The following ADGRB2 variants were observed in gnomAD, a reference collection of about 807,000 sequenced individuals.
ADGRB2 encodes brain-specific angiogenesis inhibitor 2.
ADGRB2 carries 47 observed loss-of-function variants against 178.7 expected under a neutral mutation model. That is an observed-to-expected ratio of 0.26 (90% CI 0.21 to 0.34). The LOEUF (loss-of-function observed/expected upper bound fraction) is 0.34, where lower values mean the gene tolerates loss of function less well. Ranked by LOEUF, ADGRB2 falls within the 10% of genes least tolerant of loss-of-function variation. ADGRB2 has a pLI of 1.00. For missense variants in ADGRB2, 1,584 were observed against 2,180.8 expected (o/e 0.73, Z 5.45); for synonymous variants, 870 against 912.4 (o/e 0.95, Z 0.84).
chr1:31,757,276 G>C lies in ADGRB2; in HGVS notation c.-55C>G. On this transcript the variant is annotated 5_prime_UTR_variant, in exon 3 of 33. Coordinates refer to ENST00000373658, the MANE Select transcript of ADGRB2 (RefSeq NM_001364857.2). Reference sequence around the variant, plus strand: ...GATCAGCTGTGAGGCATGTCACCGCGTAATCCTGTGGTAATTGTCAAAGTG... The same window carrying C: ...GATCAGCTGTGAGGCATGTCACCGCCTAATCCTGTGGTAATTGTCAAAGTG... The C allele has an allele frequency of 6.2e-7, 1 of 1,602,498 alleles. No homozygotes were observed. The highest frequency in any genetic ancestry group is 1.1e-5 in the South Asian group (1 of 90,688).
rs760922888 is a variant in ADGRB2, at chr1:31,730,980, G to A, written c.4200C>T (p.Ser1400=). 8 of 1,565,624 alleles carry A rather than the reference G, an allele frequency of 5.1e-6. No individual in the cohort carries two copies. Among genetic ancestry groups the A allele is most frequent in the Middle Eastern group, 1.7e-4 (1 of 5,858 alleles). The change falls in exon 29 of 33, where the codon TCC becomes TCT. Residue 1400 remains serine, a synonymous_variant. Transcript: ENST00000373658. ...AHTEGYPSFL[S]VDHSGLGLGP... ...CCAGCCCCAGGCCCGAGTGGTCCAC[G>A]GACAGGAAGCTGGGGTAGCCTTCAG...
At position 31,740,943 on chromosome 1, in the gene ADGRB2, ACT is replaced by A. The variant is rs1017680249; in HGVS notation, c.1795-404_1795-403del. 2.9e-5 allele frequency among the ~76,000 whole-genome samples: 4 copies of A among 138,858 alleles called. No individual in the cohort carries two copies. The highest frequency in any genetic ancestry group is 7.9e-5 in the African/African-American group (3 of 37,956). The allele number at this position is 138,858 out of a possible 152,430, so 91.1% of individuals were successfully genotyped here. The stretch of plus-strand genomic sequence containing the variant: ...CACACACACTGTCTTTCTCTCTCTC[ACT>A]CTCTCTCAACACAAGCTCTAAATGC... On this transcript the variant is annotated intron_variant, in intron 11 of 32. Transcript: ENST00000373658. The surrounding 1 kb of genome is among the most constrained non-coding windows in gnomAD (Gnocchi z 5.9).
rs1309438429 is a variant in ADGRB2, at chr1:31,727,553, T to G, written c.4625A>C (p.Gln1542Pro). The change falls in exon 33 of 33, where the codon CAG (glutamine) becomes CCG (proline). Residue 1542 changes from glutamine to proline, a missense_variant. This residue lies in a region of ADGRB2 where 865 missense variants were observed against 1,192.8 expected (regional missense o/e 0.73). Coordinates refer to ENST00000373658, the MANE Select transcript of ADGRB2 (RefSeq NM_001364857.2). This position sits in a 1 kb window ranked among gnomAD's most constrained non-coding sequence, Gnocchi z 4.4. The stretch of plus-strand genomic sequence containing the variant: ...CATAGATTTGAAGGTGCTCCAGCTC[T>G]GATGGCGCCGATGTTGGGACAAGCT... The part of the protein sequence containing the change: ...RPSLSQHRRH[Q>P]SWSTFKSMTL... The G allele has an allele frequency of 6.3e-7, 1 of 1,582,692 alleles. No homozygotes were observed. Among genetic ancestry groups the G allele is most frequent in the South Asian group, 1.2e-5 (1 of 86,146 alleles).
rs1274773376 is a variant in ADGRB2 at position 31,738,600 on chromosome 1, C to A, written c.2632G>T (p.Asp878Tyr). Residue 878 changes from aspartate (D) to tyrosine (Y), a missense_variant, in exon 17 of 33, where the codon GAC becomes TAC. This residue lies in a region of ADGRB2 where 865 missense variants were observed against 1,192.8 expected (regional missense o/e 0.73). Transcript: ENST00000373658. ...GTTDPHCASW[D>Y]YSRADASSGD... ...CACCCAACTCACGCTCTGGAGTAGT[C>A]CCAGCTGGCGCAATGGGGATCCGTG... The A allele has an allele frequency of 3.1e-6, 5 of 1,610,964 alleles. No individual in the cohort carries two copies. Among genetic ancestry groups the A allele is most frequent in the Non-Finnish European group, 4.2e-6 (5 of 1,178,530 alleles).
chr1:31,749,186 G>A (rs1290899668), intron 4 of ADGRB2, among the ~76,000 whole-genome samples: 1 of 152,124 alleles, frequency 6.6e-6, no homozygotes, highest in Non-Finnish European at 1.5e-5. Context: ...CCCCTGACAT[G>A]AGCCTGATTC....
At position 31,743,909 on chromosome 1, in the gene ADGRB2, C is replaced by T. The variant is rs114580699; in HGVS notation, c.1087+284G>A. 9.3e-3 allele frequency among the ~76,000 whole-genome samples: 1,422 copies of T among 152,304 alleles called. 18 individuals are homozygous for T. Among genetic ancestry groups the T allele is most frequent in the African/African-American group, 0.032 (1,338 of 41,560 alleles). The stretch of plus-strand genomic sequence containing the variant: ...GCGCAAGCTACTGATATGGCCAGAG[C>T]GGAGTGGGTAAAAACACGAGCCTTG... On this transcript the variant is annotated intron_variant, in intron 6 of 32. Coordinates refer to ENST00000373658, the MANE Select transcript of ADGRB2 (RefSeq NM_001364857.2).
chr1:31,742,981 C>A lies in ADGRB2; in HGVS notation c.1109G>T (p.Trp370Leu). The A allele has an allele frequency of 6.6e-7, 1 of 1,523,932 alleles. No homozygotes were observed. The highest frequency in any genetic ancestry group is 8.8e-7 in the Non-Finnish European group (1 of 1,133,856). The allele number at this position is 1,523,932 out of a possible 1,614,324, so 94.4% of individuals were successfully genotyped here. Residue 370 changes from tryptophan (W) to leucine (L), a missense_variant, in exon 7 of 33, where the codon TGG (tryptophan) becomes TTG (leucine). By Grantham distance (61) the Trp-to-Leu change is moderately conservative. Coordinates refer to ENST00000373658, the MANE Select transcript of ADGRB2 (RefSeq NM_001364857.2). ...TCPVHGVWEEWGSWSLCSRSC... is the reference protein window; with the variant it reads ...TCPVHGVWEELGSWSLCSRSC... ...GCGGGAGCACAGGCTCCAGGACCCC[C>A]ACTCCTCCCACACGCCGTGCACTGC...
chr1:31,763,660 A>G (rs1647115784), intron 1 of ADGRB2, among the ~76,000 whole-genome samples: 1 of 148,854 alleles, frequency 6.7e-6, no homozygotes, highest in African/African-American at 2.5e-5. Flanking sequence ...GGGGGGGCCG[A>G]GATTAGAGAT....
At position 31,741,472 on chromosome 1, in the gene ADGRB2, G is replaced by A; in HGVS notation, c.1695C>T (p.Ala565=). Residue 565 remains alanine, a synonymous_variant, in exon 11 of 33, where the codon GCC becomes GCT. Coordinates refer to ENST00000373658, the MANE Select transcript of ADGRB2 (RefSeq NM_001364857.2). The surrounding 1 kb of genome is among the most constrained non-coding windows in gnomAD (Gnocchi z 6.5). Reference sequence around the variant, plus strand: ...GGGCACTGAGGAGACAGCGGCGGCTGGCAGACCCTGCAGGGCAATAGGACA... The same window carrying A: ...GGGCACTGAGGAGACAGCGGCGGCTAGCAGACCCTGCAGGGCAATAGGACA... ...NKCPPNASGS[A]SRRCLLSAQG... is the part of the protein sequence containing the mutation. 4 of 1,590,406 alleles carry A rather than the reference G, an allele frequency of 2.5e-6. No individual in the cohort carries two copies. The highest frequency in any genetic ancestry group is 3.4e-6 in the Non-Finnish European group (4 of 1,168,356).
At position 31,741,625 on chromosome 1, in the gene ADGRB2, T is replaced by C; in HGVS notation, c.1686A>G (p.Ser562=). 6.2e-7 allele frequency: 1 copy of C among 1,613,586 alleles called. No homozygotes were observed. The highest frequency in any genetic ancestry group is 8.5e-7 in the Non-Finnish European group (1 of 1,179,804). The part of the protein sequence containing the change: ...IIYNKCPPNA[S]GSASRRCLLS... ...TGGGGAAAGCCACCTGCCCCTTACC[T>C]GAGGCATTCGGGGGGCACTTGTTGT... Residue 562 remains serine (S), a splice_region_variant and synonymous_variant, in exon 10 of 33, where the codon TCA becomes TCG. Transcript: ENST00000373658. The surrounding 1 kb of genome is among the most constrained non-coding windows in gnomAD (Gnocchi z 6.5).
Position 31,728,331 on chromosome 1 carries a change from C to A in ADGRB2, c.4417-51G>T, listed in dbSNP as rs759350223. ...TCGCTCCCCGGGGCAGCACCATGAT[C>A]CCCCCTACCCAGGGCACTCAGCACC... On this transcript the variant is annotated intron_variant, in intron 30 of 32. Coordinates refer to ENST00000373658, the MANE Select transcript of ADGRB2 (RefSeq NM_001364857.2). The surrounding 1 kb of genome is among the most constrained non-coding windows in gnomAD (Gnocchi z 6.7). The A allele has an allele frequency of 4.5e-6, 7 of 1,568,842 alleles. No homozygotes were observed. Among genetic ancestry groups the A allele is most frequent in the Admixed American group, 3.4e-5 (2 of 58,396 alleles).
chr1:31,756,156 T>C lies in ADGRB2; in HGVS notation c.681A>G (p.Gly227=), dbSNP rs1646820365. 2 of 1,613,250 alleles carry C rather than the reference T, an allele frequency of 1.2e-6. No homozygotes were observed. The highest frequency in any genetic ancestry group is 1.3e-5 in the African/African-American group (1 of 74,892). Reference sequence around the variant, plus strand: ...TGGTGGTGGAGCCGGCCCCCGCCTCTCCAGGGCAGCTGCAGCCTGGCTGAG... The same window carrying C: ...TGGTGGTGGAGCCGGCCCCCGCCTCCCCAGGGCAGCTGCAGCCTGGCTGAG... ...GFAQPGCSCP[G]EAGAGSTTTT... The change falls in exon 4 of 33, where the codon GGA becomes GGG. Residue 227 remains glycine, a synonymous_variant. Transcript: ENST00000373658. The surrounding 1 kb of genome is among the most constrained non-coding windows in gnomAD (Gnocchi z 8.5).
rs995571037 is a variant in ADGRB2, at chr1:31,728,475, C to A, written c.4416+123G>T. ...AATCATGGGAAGATCCCACGGAACC[C>A]CCGGGCTTGGGCTCCTGGGGTCAGG... On this transcript the variant is annotated intron_variant, in intron 30 of 32. Coordinates refer to ENST00000373658, the MANE Select transcript of ADGRB2 (RefSeq NM_001364857.2). The surrounding 1 kb of genome is among the most constrained non-coding windows in gnomAD (Gnocchi z 6.7). 1 of 1,490,582 alleles carries A rather than the reference C, an allele frequency of 6.7e-7. No homozygotes were observed. Among genetic ancestry groups the A allele is most frequent in the African/African-American group, 1.4e-5 (1 of 72,050 alleles). 92.3% of individuals were successfully genotyped at this position (1,490,582 alleles called of 1,614,324 possible).
Position 31,731,039 on chromosome 1 carries a change from T to A in ADGRB2, c.4141A>T (p.Thr1381Ser). The A allele has an allele frequency of 6.3e-7, 1 of 1,582,708 alleles. No homozygotes were observed. Among genetic ancestry groups the A allele is most frequent in the Non-Finnish European group, 8.6e-7 (1 of 1,162,242 alleles). The change falls in exon 29 of 33, where the codon ACC becomes TCC. Residue 1381 changes from threonine (T) to serine (S), a missense_variant. Around this residue, in one of 3 missense-constraint regions of ADGRB2, gnomAD observed 865 missense variants for 1,192.8 expected, o/e 0.73. Transcript: ENST00000373658. ...EDAPRARPEGTPRRAAKTVAH... is the reference protein window; with the variant it reads ...EDAPRARPEGSPRRAAKTVAH... ...ACTGTCTTGGCAGCTCGCCGGGGGG[T>A]CCCCTCCGGCCGGGCCCTGGGGGCA... is the stretch of plus-strand genomic sequence containing the variant.
At chr1:31,732,470 G>C in intron 27 of ADGRB2, 47 bp downstream of exon 27, 1 of 1,593,556 alleles carries the variant, frequency 6.3e-7, no homozygotes, top group Non-Finnish European at 8.6e-7. Context: ...GATTGGGGTG[G>C]GGGGTGCCCA....
In ADGRB2 at chr1:31,739,975, G is replaced by A. The variant is rs780335226; in HGVS notation, c.2118C>T (p.Gly706=). The A allele has an allele frequency of 1.1e-5, 17 of 1,614,006 alleles. 1 individual carries two copies. The highest frequency in any genetic ancestry group is 2.2e-5 in the East Asian group (1 of 44,894). The part of the protein sequence containing the change: ...RVVEDFIHLV[G]DALKAFQSSL... ...AGCTCTGGAAGGCCTTGAGAGCATC[G>A]CCCACCAGGTGAATGAAGTCCTCCA... The change falls in exon 14 of 33, where the codon GGC becomes GGT. Residue 706 remains glycine, a synonymous_variant. Transcript: ENST00000373658.
rs1357465746 is a variant in ADGRB2, at chr1:31,735,200, G to C, written c.3435C>G (p.Ala1145=). The C allele has an allele frequency of 7.0e-7, 1 of 1,437,006 alleles. No individual in the cohort carries two copies. Among genetic ancestry groups the C allele is most frequent in the Non-Finnish European group, 9.2e-7 (1 of 1,091,004 alleles). 89.0% of individuals were successfully genotyped at this position (1,437,006 alleles called of 1,614,324 possible). A position where few individuals can be genotyped will look rare whatever the true frequency, so the allele number is the denominator to read the frequency against. ...GAVPSPLLSS[A]SARNAMASLW... is the part of the protein sequence containing the mutation. ...CGACTAACATGGCGTTCCTGGCCGA[G>C]GCTGAGCTGAGCAGGGGGCTGGGGA... The change falls in exon 25 of 33, where the codon GCC becomes GCG. Residue 1145 remains alanine, a synonymous_variant. Coordinates refer to ENST00000373658, the MANE Select transcript of ADGRB2 (RefSeq NM_001364857.2). The surrounding 1 kb of genome is among the most constrained non-coding windows in gnomAD (Gnocchi z 6.0).
chr1:31,762,203 G>A (rs1025182746), intron 1 of ADGRB2, among the ~76,000 whole-genome samples: 3 of 152,196 alleles, frequency 2.0e-5, no homozygotes, highest in Middle Eastern at 3.4e-3. Flanking sequence ...AAGAGAGAGC[G>A]GAAGGAGGAG....
intron 21 of ADGRB2, 47 bp from the exon 22 acceptor site, chr1:31,736,437 G>A (rs773002936): frequency 1.2e-6 from 2 of 1,608,918 alleles, no homozygotes; most frequent in South Asian, 2.2e-5. Context: ...GGTCTTCAGG[G>A]ACCCCTTGTT....
Sources: allele counts gnomAD v4.1 joint callset (sites outside exome capture counted in the v4.1 genomes callset), GRCh38; gene constraint gnomAD v4.1.1; regional missense constraint gnomAD v4.1.1; non-coding constraint Gnocchi (gnomAD v3.1); transcripts MANE v1.5; gene names NCBI Gene and HGNC (gene_info 2026-07-23, HGNC 2026-07-21).